Variants in ACER1 observed in about 807,000 individuals in gnomAD.
ACER1 encodes the protein alkaline ceramidase 1, also known as CTB-180A7.3.
In ACER1, 28 loss-of-function variants were observed where a neutral mutation model predicts 24.9. The observed-to-expected ratio is 1.13, with a 90% CI of 0.83 to 1.54. The LOEUF (loss-of-function observed/expected upper bound fraction) is 1.54. Ranked by LOEUF, ACER1 falls within the 40% of genes most tolerant of loss-of-function variation. The pLI is 0.00. For synonymous variants in ACER1, 132 were observed against 131.4 expected, an observed-to-expected ratio of 1.00 and a Z score of -0.03; for missense variants, 352 against 349.3, an observed-to-expected ratio of 1.01 and a Z score of -0.06.
chr19:6,336,535 T>G (rs2091714673), upstream of ACER1, among the ~76,000 whole-genome samples: 1 of 151,924 alleles, frequency 6.6e-6, no homozygotes, highest in Admixed American at 6.6e-5. Flanking sequence ...AAAGATAAAT[T>G]GTGGGCTGGG....
At chr19:6,338,091 T>C (rs542507031), upstream of ACER1, among the ~76,000 whole-genome samples, 2 of 151,330 alleles carry the variant, frequency 1.3e-5, no homozygotes, top group Non-Finnish European at 2.9e-5. Context: ...CAAAAAAAAA[T>C]AGTTAATTAA....
intron 1 of ACER1, among the ~76,000 whole-genome samples, chr19:6,322,919 T>C (rs1452998099): frequency 6.6e-6 from 1 of 151,998 alleles, no homozygotes; most frequent in Non-Finnish European, 1.5e-5. Flanking sequence ...AAGAACAGCC[T>C]GACCAACATG....
chr19:6,325,033 C>A (rs1313880881), intron 1 of ACER1, among the ~76,000 whole-genome samples: 1 of 152,106 alleles, frequency 6.6e-6, no homozygotes, highest in African/African-American at 2.4e-5. Context: ...TCTTCCCCTT[C>A]CCTACTCGAG....
Position 6,306,337 on chromosome 19 carries a change from C to G in ACER1, c.*377G>C, listed in dbSNP as rs1395235004. ...TGCTGGGATTATAGGCGTGAGCCAC[C>G]GTTCCCAGCCTAGAAGCTAATATTT... On this transcript the variant is annotated 3_prime_UTR_variant, in exon 6 of 6. Coordinates refer to ENST00000301452, the MANE Select transcript of ACER1 (RefSeq NM_133492.3). 5.9e-6 allele frequency: 1 copy of G among 168,778 alleles called. No homozygotes were observed. The highest frequency in any genetic ancestry group is 2.4e-5 in the African/African-American group (1 of 42,176). The allele number at this position is 168,778 out of a possible 1,614,324, so 10.5% of individuals were successfully genotyped here. A position where few individuals can be genotyped will look rare whatever the true frequency, so the allele number is the denominator to read the frequency against.
intron 1 of ACER1, among the ~76,000 whole-genome samples, chr19:6,319,199 T>G (rs905407444): frequency 6.6e-6 from 1 of 152,150 alleles, no homozygotes; most frequent in African/African-American, 2.4e-5. Context: ...TTATCAACAG[T>G]GTCCCTAAGC....
At chr19:6,317,118 C>T (rs866177057) in intron 1 of ACER1, among the ~76,000 whole-genome samples, 14 of 151,606 alleles carry the variant, frequency 9.2e-5, no homozygotes, top group South Asian at 2.1e-4. Flanking sequence ...GGACTACAGG[C>T]GCGTGCCACC....
At chr19:6,315,125 C>T (rs996204930) in intron 1 of ACER1, among the ~76,000 whole-genome samples, 90 of 151,930 alleles carry the variant, frequency 5.9e-4, no homozygotes, top group African/African-American at 2.0e-3. Context: ...CCCCATGATC[C>T]GCCCGCCTCG....
upstream of ACER1, among the ~76,000 whole-genome samples, chr19:6,337,490 GT>G (rs1458176011): frequency 1.5e-5 from 2 of 137,808 alleles, no homozygotes; most frequent in East Asian, 4.2e-4. Context: ...CGTTTGCTCT[GT>G]CCCCCAGGCT....
Position 6,306,883 on chromosome 19 carries a change from C to T in ACER1, c.627-1G>A. The T allele has an allele frequency of 1.2e-6, 2 of 1,611,092 alleles. No homozygotes were observed. Among genetic ancestry groups the T allele is most frequent in the South Asian group, 2.2e-5 (2 of 90,848 alleles). On this transcript the variant is annotated splice_acceptor_variant, in intron 5 of 5. Coordinates refer to ENST00000301452, the MANE Select transcript of ACER1 (RefSeq NM_133492.3). LOFTEE classifies it high-confidence loss of function. ...GAAGGTGATGCTGATGAGCACATGC[C>T]TGTGGAGTGCAGGGCGAAGGTGGCG... is the stretch of plus-strand genomic sequence containing the variant.
intron 3 of ACER1, among the ~76,000 whole-genome samples, chr19:6,311,646 A>AGAAGGAGGAGGAGAAGGAGG (rs1568308596): frequency 1.9e-4 from 28 of 148,238 alleles, no homozygotes; most frequent in Non-Finnish European, 3.9e-4. Context: ...GAAGAAGAAG[A>AGAAGGAGGAGGAGAAGGAGG]AGGAGAAGGA....
the ACER1 span, among the ~76,000 whole-genome samples, chr19:6,351,098 G>T: frequency 1.3e-5 from 2 of 152,150 alleles, no homozygotes; most frequent in African/African-American, 4.8e-5. Flanking sequence ...CGGGTGTGGT[G>T]GCTCACGCCT....
At chr19:6,323,172 G>A (rs1254042573) in intron 1 of ACER1, among the ~76,000 whole-genome samples, 2 of 151,978 alleles carry the variant, frequency 1.3e-5, no homozygotes, top group Non-Finnish European at 2.9e-5. Flanking sequence ...TGTAATCCCA[G>A]CACTTTGGGA....
At chr19:6,324,265 A>T (rs1424633116) in intron 1 of ACER1, among the ~76,000 whole-genome samples, 2 of 151,330 alleles carry the variant, frequency 1.3e-5, no homozygotes, top group African/African-American at 4.9e-5. Flanking sequence ...GCTGGTCTGG[A>T]ACTGCTGACC....
intron 1 of ACER1, among the ~76,000 whole-genome samples, chr19:6,324,551 A>T (rs2091649251): frequency 6.7e-6 from 1 of 150,242 alleles, no homozygotes; most frequent in Non-Finnish European, 1.5e-5. Context: ...TGAGGTCGGG[A>T]GTTCAAGACC....
At chr19:6,355,651 G>T in the ACER1 span, among the ~76,000 whole-genome samples, 5 of 136,216 alleles carry the variant, frequency 3.7e-5, no homozygotes, top group African/African-American at 5.8e-5. Context: ...CCGGCCAGCC[G>T]CCCCGTCCGG....
the ACER1 span, among the ~76,000 whole-genome samples, chr19:6,352,585 CACTA>C: frequency 3.9e-5 from 6 of 152,198 alleles, no homozygotes; most frequent in African/African-American, 1.4e-4. Flanking sequence ...TGTTACACAG[CACTA>C]ACTAACTGAA....
At chr19:6,324,039 T>C (rs2091646200) in intron 1 of ACER1, among the ~76,000 whole-genome samples, 1 of 152,036 alleles carries the variant, frequency 6.6e-6, no homozygotes, top group South Asian at 2.1e-4. Flanking sequence ...TCTCCTCATT[T>C]CTCTCTTTTT....
intron 1 of ACER1, 105 bp downstream of exon 1, chr19:6,333,354 G>T (rs2091697988): frequency 2.2e-6 from 2 of 900,704 alleles, no homozygotes; most frequent in African/African-American, 1.7e-5. Context: ...CTAGGGCTGA[G>T]ACAGGTGAAC....
the ACER1 span, among the ~76,000 whole-genome samples, chr19:6,350,286 T>C: frequency 1.3e-5 from 2 of 151,884 alleles, no homozygotes; most frequent in Non-Finnish European, 2.9e-5. Flanking sequence ...GCCAACATGG[T>C]GAAACCCCGT....
Sources: gnomAD v4.1 joint callset for allele counts (sites outside exome capture counted in the v4.1 genomes callset) on GRCh38, gnomAD v4.1.1 for gene constraint, MANE v1.5 for transcripts, NCBI Gene and HGNC (gene_info 2026-07-23, HGNC 2026-07-21) for gene names.